Variants in LURAP1L observed in about 807,000 individuals in gnomAD.
LURAP1L encodes the protein leucine rich adaptor protein 1 like.
Under a neutral mutation model 13.8 loss-of-function variants are expected in LURAP1L, and 12 were observed. That is an observed-to-expected ratio of 0.87 (90% CI 0.56 to 1.41). The LOEUF is 1.41. Ranked by LOEUF, LURAP1L falls within the 40% of genes most tolerant of loss-of-function variation. The pLI is 0.00. For synonymous variants in LURAP1L, 139 were observed against 119.2 expected (o/e 1.17, Z -1.08); for missense variants, 375 against 292.9 (o/e 1.28, Z -2.04).
intron 1 of LURAP1L, among the ~76,000 whole-genome samples, chr9:12,816,247 T>C (rs1819803607): frequency 6.6e-6 from 1 of 152,194 alleles, no homozygotes; most frequent in African/African-American, 2.4e-5. Flanking sequence ...AGCAGATATG[T>C]TAGGTGGATG....
intron 1 of LURAP1L, among the ~76,000 whole-genome samples, chr9:12,785,270 C>G (rs560029109): frequency 4.8e-4 from 73 of 152,068 alleles, no homozygotes; most frequent in Non-Finnish European, 9.1e-4. Flanking sequence ...ACTCTCCCCT[C>G]TTTTCAAACA....
chr9:12,816,392 A>G (rs16929606), intron 1 of LURAP1L, among the ~76,000 whole-genome samples: 4,958 of 152,196 alleles, frequency 0.033, 300 homozygotes, highest in African/African-American at 0.11. Flanking sequence ...GTATAAGGAA[A>G]CTGAGGTCCT....
chr9:12,780,735 GT>G (rs1424902755), intron 1 of LURAP1L, among the ~76,000 whole-genome samples: 649 of 60,294 alleles, frequency 0.011, 3 homozygotes, highest in African/African-American at 0.019. Flanking sequence ...TAAAAATATT[GT>G]TTCTTTTTTT....
intron 1 of LURAP1L, among the ~76,000 whole-genome samples, chr9:12,810,049 A>G (rs772929853): frequency 1.8e-4 from 27 of 152,186 alleles, no homozygotes; most frequent in Non-Finnish European, 3.5e-4. Flanking sequence ...AGGCTTTGGT[A>G]AAACTCCAGC....
chr9:12,820,772 G>C (rs899382190), intron 1 of LURAP1L, among the ~76,000 whole-genome samples: 1 of 152,092 alleles, frequency 6.6e-6, no homozygotes, highest in African/African-American at 2.4e-5. Context: ...TGTTGATATA[G>C]TCATAAAGAA....
At chr9:12,796,781 C>T (rs561948762) in intron 1 of LURAP1L, among the ~76,000 whole-genome samples, 20 of 151,954 alleles carry the variant, frequency 1.3e-4, no homozygotes, top group Middle Eastern at 3.2e-3. Flanking sequence ...ACTTCAGAGC[C>T]AAGTAAATCT....
chr9:12,796,298 T>C (rs1459936185), intron 1 of LURAP1L, among the ~76,000 whole-genome samples: 1 of 152,020 alleles, frequency 6.6e-6, no homozygotes, highest in Non-Finnish European at 1.5e-5. Context: ...AAAAACACCA[T>C]TGCATTATCC....
intron 1 of LURAP1L, among the ~76,000 whole-genome samples, chr9:12,798,135 G>T (rs1819533763): frequency 1.3e-5 from 2 of 152,114 alleles, no homozygotes; most frequent in Admixed American, 6.6e-5. Context: ...AATTGTAAAT[G>T]CTTCATAGGT....
intron 1 of LURAP1L, among the ~76,000 whole-genome samples, chr9:12,801,111 A>T (rs909216295): frequency 2.6e-5 from 4 of 152,146 alleles, no homozygotes; most frequent in African/African-American, 9.7e-5. Flanking sequence ...GATAAAAATT[A>T]TTACCTTTGG....
chr9:12,790,078 A>C (rs1191612122), intron 1 of LURAP1L, among the ~76,000 whole-genome samples: 1 of 152,196 alleles, frequency 6.6e-6, no homozygotes, highest in Non-Finnish European at 1.5e-5. Flanking sequence ...TTATGCATTG[A>C]CAAAAATCTT....
intron 1 of LURAP1L, among the ~76,000 whole-genome samples, chr9:12,806,853 C>A (rs1819664324): frequency 6.6e-6 from 1 of 151,420 alleles, no homozygotes; most frequent in Non-Finnish European, 1.5e-5. Flanking sequence ...CATGTACATA[C>A]AGTCTCTCAA....
rs1425855353 is a variant in LURAP1L at position 12,822,529 on chromosome 9, T to A, written c.*769T>A. Among the ~76,000 whole-genome samples, 1 of 152,202 alleles carries A rather than the reference T, an allele frequency of 6.6e-6. No individual in the cohort carries two copies. Among genetic ancestry groups the A allele is most frequent in the Non-Finnish European group, 1.5e-5 (1 of 68,028 alleles). On this transcript the variant is annotated 3_prime_UTR_variant, in exon 2 of 2. Transcript: ENST00000319264. ...CCTAAATTTAATTGCATTTTGAGAT[T>A]TTGTTGGCATTTACTTGTATGTATT... is the stretch of plus-strand genomic sequence containing the variant.
chr9:12,795,752 AT>A (rs1304628218), intron 1 of LURAP1L, among the ~76,000 whole-genome samples: 2 of 151,920 alleles, frequency 1.3e-5, no homozygotes, highest in African/African-American at 4.8e-5. Context: ...CACTTACTCT[AT>A]TTTTTTCTTA....
chr9:12,821,490 C>A lies in LURAP1L; in HGVS notation c.417C>A (p.Thr139=). ...TGATCGAAGAAAAAGCCACCATTAC[C>A]AGCAGAGGCAGCAGCCTCAGTGGCA... The part of the protein sequence containing the change: ...KWMIEEKATI[T]SRGSSLSGSL... The change falls in exon 2 of 2, where the codon ACC becomes ACA. Residue 139 remains threonine, a synonymous_variant. Coordinates refer to ENST00000319264, the MANE Select transcript of LURAP1L (RefSeq NM_203403.2). 6.2e-7 allele frequency: 1 copy of A among 1,614,156 alleles called. No homozygotes were observed. Among genetic ancestry groups the A allele is most frequent in the Non-Finnish European group, 8.5e-7 (1 of 1,180,032 alleles).
At position 12,775,549 on chromosome 9, in the gene LURAP1L, A is replaced by C; in HGVS notation, c.-167A>C. 1 of 1,149,620 alleles carries C rather than the reference A, an allele frequency of 8.7e-7. No homozygotes were observed. The highest frequency in any genetic ancestry group is 1.2e-6 in the Non-Finnish European group (1 of 859,610). The allele number at this position is 1,149,620 out of a possible 1,614,324, so 71.2% of individuals were successfully genotyped here. A position where few individuals can be genotyped will look rare whatever the true frequency, so the allele number is the denominator to read the frequency against. On this transcript the variant is annotated 5_prime_UTR_variant, in exon 1 of 2. Transcript: ENST00000319264. ...ACCCCCCGCGTCCTGTGCGGATTTC[A>C]GGGCTGATACCGCATAGGCGGTTAT...
chr9:12,782,586 C>A (rs1819288063), intron 1 of LURAP1L, among the ~76,000 whole-genome samples: 1 of 152,100 alleles, frequency 6.6e-6, no homozygotes, highest in Admixed American at 6.6e-5. Flanking sequence ...CATTTTGTTC[C>A]ATTGCTCAGT....
In LURAP1L at chr9:12,775,526, C is replaced by T; in HGVS notation, c.-190C>T. The T allele has an allele frequency of 2.5e-6, 2 of 805,750 alleles. No homozygotes were observed. The highest frequency in any genetic ancestry group is 1.8e-5 in the African/African-American group (1 of 55,358). 49.9% of individuals were successfully genotyped at this position (805,750 alleles called of 1,614,324 possible). On this transcript the variant is annotated 5_prime_UTR_variant, in exon 1 of 2. Transcript: ENST00000319264. ...GCGGACTGGGAACTGCAGCTGCGAC[C>T]CCCCGCGTCCTGTGCGGATTTCAGG...
chr9:12,794,076 G>A (rs1043518658), intron 1 of LURAP1L, among the ~76,000 whole-genome samples: 1 of 152,024 alleles, frequency 6.6e-6, no homozygotes, highest in Non-Finnish European at 1.5e-5. Context: ...AATATCAGAT[G>A]TCCACATTGT....
chr9:12,805,052 G>A (rs1293734779), intron 1 of LURAP1L, among the ~76,000 whole-genome samples: 1 of 152,036 alleles, frequency 6.6e-6, no homozygotes, highest in Non-Finnish European at 1.5e-5. Flanking sequence ...GTTAAATGAT[G>A]TTTATTTTTC....
Sources: gnomAD v4.1 joint callset for allele counts (sites outside exome capture counted in the v4.1 genomes callset) on GRCh38, gnomAD v4.1.1 for gene constraint, MANE v1.5 for transcripts, NCBI Gene and HGNC (gene_info 2026-07-23, HGNC 2026-07-21) for gene names.